IMMP2L: variants seen among roughly 807,000 people sequenced by gnomAD.
IMMP2L encodes inner mitochondrial membrane peptidase subunit 2, also known as mitochondrial inner membrane protease subunit 2.
A neutral mutation model predicts 19.3 loss-of-function variants in IMMP2L; 18 were observed. The ratio of observed to expected loss-of-function variants is 0.93; its 90% confidence interval spans 0.64 to 1.38. The LOEUF (loss-of-function observed/expected upper bound fraction) is 1.38, where lower values mean the gene tolerates loss of function less well. IMMP2L is among the 40% of genes most tolerant of loss of function. IMMP2L has a pLI of 0.00. For missense variants in IMMP2L, 233 were observed against 218.2 expected (o/e 1.07, Z -0.43); for synonymous variants, 76 against 73.0 (o/e 1.04, Z -0.21).
At chr7:111,283,170 G>T in intron 3 of IMMP2L, among the ~76,000 whole-genome samples, 2 of 152,224 alleles carry the variant, frequency 1.3e-5, no homozygotes, top group Middle Eastern at 3.4e-3. Flanking sequence ...GAAAAATGTG[G>T]AAAAATCATA....
At chr7:111,434,142 A>T (rs866196681) in intron 3 of IMMP2L, among the ~76,000 whole-genome samples, 1 of 151,806 alleles carries the variant, frequency 6.6e-6, no homozygotes, top group East Asian at 1.9e-4. Flanking sequence ...TGCCACATAC[A>T]TATAACTAAC....
chr7:110,866,255 G>A (rs955452743), intron 5 of IMMP2L, among the ~76,000 whole-genome samples: 1 of 151,916 alleles, frequency 6.6e-6, no homozygotes. Context: ...ATTTCAGCAC[G>A]AAGCCTCGGT....
At chr7:110,807,395 A>G (rs1313570494) in intron 5 of IMMP2L, among the ~76,000 whole-genome samples, 2 of 152,066 alleles carry the variant, frequency 1.3e-5, no homozygotes, top group African/African-American at 4.8e-5. Flanking sequence ...AAATACAAAC[A>G]AGAAATCTCA....
intron 4 of IMMP2L, among the ~76,000 whole-genome samples, chr7:110,934,089 A>G (rs259014): frequency 0.37 from 56,020 of 151,882 alleles, 10,981 homozygotes; most frequent in East Asian, 0.66. Flanking sequence ...CCGTAATTTC[A>G]TTATTTACCC....
At chr7:111,470,781 C>T (rs1423909823) in intron 3 of IMMP2L, among the ~76,000 whole-genome samples, 30 of 149,388 alleles carry the variant, frequency 2.0e-4, no homozygotes, top group East Asian at 1.4e-3. Flanking sequence ...TGCTAAATGA[C>T]GAGTTAATGG....
At chr7:111,380,619 C>T (rs1182260025) in intron 3 of IMMP2L, among the ~76,000 whole-genome samples, 1 of 151,960 alleles carries the variant, frequency 6.6e-6, no homozygotes, top group Non-Finnish European at 1.5e-5. Flanking sequence ...CAGAGGTATG[C>T]AAGATGGAAA....
At chr7:111,299,098 T>C (rs191923106) in intron 3 of IMMP2L, among the ~76,000 whole-genome samples, 5 of 152,160 alleles carry the variant, frequency 3.3e-5, no homozygotes, top group African/African-American at 1.2e-4. Context: ...CATAAATAAC[T>C]GGTGTACAAT....
At chr7:111,146,418 T>TAA (rs1803481221) in intron 3 of IMMP2L, among the ~76,000 whole-genome samples, 1 of 152,014 alleles carries the variant, frequency 6.6e-6, no homozygotes, top group Non-Finnish European at 1.5e-5. Flanking sequence ...AGAAAAACAC[T>TAA]AAAGAAAAAT....
intron 3 of IMMP2L, among the ~76,000 whole-genome samples, chr7:111,194,348 G>T (rs1809236653): frequency 6.6e-6 from 1 of 152,144 alleles, no homozygotes; most frequent in Admixed American, 6.5e-5. Flanking sequence ...ACCTATGACA[G>T]TCTACCATTT....
chr7:110,936,672 C>T (rs1668372382), intron 4 of IMMP2L, among the ~76,000 whole-genome samples: 1 of 152,090 alleles, frequency 6.6e-6, no homozygotes, highest in Non-Finnish European at 1.5e-5. Flanking sequence ...ACCAGAAATG[C>T]CATTTGACCC....
intron 3 of IMMP2L, among the ~76,000 whole-genome samples, chr7:111,143,098 TATC>T (rs1225167171): frequency 1.3e-5 from 2 of 152,094 alleles, no homozygotes; most frequent in African/African-American, 2.4e-5. Flanking sequence ...TATTTGCAGA[TATC>T]ATGAAAAAAA....
intron 5 of IMMP2L, among the ~76,000 whole-genome samples, chr7:110,831,081 G>A (rs1228534377): frequency 6.6e-6 from 1 of 152,096 alleles, no homozygotes; most frequent in African/African-American, 2.4e-5. Flanking sequence ...TTAGCTCCAC[G>A]TAGCTGAAGG....
Position 110,727,537 on chromosome 7 carries a change from A to C in IMMP2L, c.409-63816T>G, listed in dbSNP as rs1795977805. ...TCCCTCCCAGTGCTCCAAACCAGTA[A>C]GAGTCAGAAACTGATGTTAGCAAAT... On this transcript the variant is annotated intron_variant, in intron 5 of 5. Transcript: ENST00000405709. This position sits in a 1 kb window ranked among gnomAD's most constrained non-coding sequence, Gnocchi z 4.3. Among the ~76,000 whole-genome samples, 1 of 152,222 alleles carries C rather than the reference A, an allele frequency of 6.6e-6. No individual in the cohort carries two copies. Among genetic ancestry groups the C allele is most frequent in the African/African-American group, 2.4e-5 (1 of 41,462 alleles).
At chr7:111,204,243 A>C (rs1431176929) in intron 3 of IMMP2L, among the ~76,000 whole-genome samples, 1 of 152,178 alleles carries the variant, frequency 6.6e-6, no homozygotes, top group East Asian at 1.9e-4. Context: ...TCACTGATGC[A>C]AATGTCTCAT....
At chr7:111,397,049 C>T (rs1214734752) in intron 3 of IMMP2L, among the ~76,000 whole-genome samples, 2 of 151,766 alleles carry the variant, frequency 1.3e-5, no homozygotes, top group African/African-American at 2.4e-5. Flanking sequence ...GATCGCGCCA[C>T]TGCACTCCAG....
At chr7:110,892,397 C>T (rs550393621) in intron 4 of IMMP2L, among the ~76,000 whole-genome samples, 1 of 152,228 alleles carries the variant, frequency 6.6e-6, no homozygotes, top group South Asian at 2.1e-4. Context: ...CACACTTCCC[C>T]ATCTCCCTTC....
chr7:110,958,366 A>C (rs897975943), intron 4 of IMMP2L, among the ~76,000 whole-genome samples: 1 of 152,026 alleles, frequency 6.6e-6, no homozygotes, highest in African/African-American at 2.4e-5. Flanking sequence ...AGGTGTACAA[A>C]GGTATGTGTG....
At chr7:111,162,006 C>G (rs1432425088) in intron 3 of IMMP2L, among the ~76,000 whole-genome samples, 1 of 152,132 alleles carries the variant, frequency 6.6e-6, no homozygotes, top group South Asian at 2.1e-4. Flanking sequence ...TGAGTTACCA[C>G]TTGTGTTTAA....
intron 3 of IMMP2L, among the ~76,000 whole-genome samples, chr7:111,318,155 G>A (rs903429656): frequency 6.6e-6 from 1 of 152,132 alleles, no homozygotes; most frequent in African/African-American, 2.4e-5. Flanking sequence ...ATATAGGTCA[G>A]AATCTAAAAA....
Sources: gnomAD v4.1 joint callset for allele counts (sites outside exome capture counted in the v4.1 genomes callset) on GRCh38, gnomAD v4.1.1 for gene constraint, Gnocchi (gnomAD v3.1) non-coding constraint, MANE v1.5 for transcripts, NCBI Gene and HGNC (gene_info 2026-07-23, HGNC 2026-07-21) for gene names.